The following SLC44A5 variants were observed in gnomAD, a reference collection of about 807,000 sequenced individuals.
SLC44A5 encodes the protein solute carrier family 44 member 5.
In SLC44A5, 57 loss-of-function variants were observed where a neutral mutation model predicts 101.8. The observed-to-expected ratio is 0.56, with a 90% CI of 0.45 to 0.70. SLC44A5 has a LOEUF of 0.70. SLC44A5 is among the 30% of genes least tolerant of loss of function. The pLI is 0.00. For missense variants in SLC44A5, 737 were observed against 853.1 expected (o/e 0.86, Z 1.70); for synonymous variants, 281 against 290.9 (o/e 0.97, Z 0.35).
chr1:75,639,609 C>T, the SLC44A5 span, among the ~76,000 whole-genome samples: 2 of 152,134 alleles, frequency 1.3e-5, no homozygotes, highest in African/African-American at 4.8e-5. Flanking sequence ...CCTTTGCTCA[C>T]TTCCCCAGTG....
At chr1:75,582,221 A>G in intron 1 of SLC44A5, 1 of 1,177,994 alleles carries the variant, frequency 8.5e-7, no homozygotes, top group Non-Finnish European at 1.2e-6. Context: ...CCTGAGGAAC[A>G]TGCGCTTTGC....
Position 75,215,796 on chromosome 1 carries a change from C to A in SLC44A5, c.1686G>T (p.Leu562Phe). 6.2e-7 allele frequency: 1 copy of A among 1,608,874 alleles called. No individual in the cohort carries two copies. Among genetic ancestry groups the A allele is most frequent in the Non-Finnish European group, 8.5e-7 (1 of 1,175,834 alleles). Residue 562 changes from leucine to phenylalanine, a missense_variant, in exon 19 of 24, where the codon TTG becomes TTT. Physicochemically the swap from Leu to Phe is conservative, Grantham distance 22 (BLOSUM62 0). Coordinates refer to ENST00000370859, the MANE Select transcript of SLC44A5 (RefSeq NM_001130058.2). ...QCCLRCCFWC[L>F]ENAIKFLNRN... ...TGTTTAAAAACTTTATTGCATTTTC[C>A]AAACACCAGAAGCAGCATCTCAGGC...
At chr1:75,480,889 A>G (rs1345996132) in intron 2 of SLC44A5, among the ~76,000 whole-genome samples, 1 of 152,242 alleles carries the variant, frequency 6.6e-6, no homozygotes, top group African/African-American at 2.4e-5. Context: ...TCTTCACAGA[A>G]TTGGAAAAAA....
At chr1:75,270,444 A>G (rs1651374246) in intron 6 of SLC44A5, among the ~76,000 whole-genome samples, 1 of 152,104 alleles carries the variant, frequency 6.6e-6, no homozygotes, top group Admixed American at 6.6e-5. Context: ...ATATTATTCA[A>G]CAAACGATTC....
chr1:75,620,692 G>A, the SLC44A5 span, among the ~76,000 whole-genome samples: 106 of 151,990 alleles, frequency 7.0e-4, no homozygotes, highest in East Asian at 0.016. Flanking sequence ...TTTTTTTCTT[G>A]TAGATTTATT....
chr1:75,575,311 A>G (rs1673298991), intron 1 of SLC44A5, among the ~76,000 whole-genome samples: 1 of 152,190 alleles, frequency 6.6e-6, no homozygotes, highest in Non-Finnish European at 1.5e-5. Context: ...TAGTTTAATC[A>G]TGGGGTAATA....
At position 75,251,279 on chromosome 1, in the gene SLC44A5, CA is replaced by C; in HGVS notation, c.275del (p.Leu92CysfsTer16). On this transcript the variant is annotated frameshift_variant, in exon 7 of 24. Coordinates refer to ENST00000370859, the MANE Select transcript of SLC44A5 (RefSeq NM_001130058.2). LOFTEE classifies it high-confidence loss of function. The part of the protein sequence containing the change: ...KGTPNENKTI[L>X]FYFNLLRCTS... ...TACAGCGTAACAGGTTAAAGTAAAA[CA>C]AAATGGTCTTGTTCCTGTTAAGAAA... The C allele has an allele frequency of 6.2e-7, 1 of 1,612,774 alleles. No individual in the cohort carries two copies.
chr1:75,569,572 C>G (rs1038634115), intron 1 of SLC44A5, among the ~76,000 whole-genome samples: 4 of 152,098 alleles, frequency 2.6e-5, no homozygotes, highest in Non-Finnish European at 5.9e-5. Context: ...TTAAAACATT[C>G]TATTGAATGA....
chr1:75,210,189 G>C (rs1646825841), intron 23 of SLC44A5, among the ~76,000 whole-genome samples: 1 of 151,806 alleles, frequency 6.6e-6, no homozygotes, highest in African/African-American at 2.4e-5. Context: ...TAGGACTACA[G>C]GTGTGTGCTA....
At chr1:75,400,906 A>G (rs1413955046) in intron 2 of SLC44A5, among the ~76,000 whole-genome samples, 1 of 152,156 alleles carries the variant, frequency 6.6e-6, no homozygotes, top group East Asian at 1.9e-4. Flanking sequence ...CTGCTTGCCA[A>G]ATTGGATTCT....
chr1:75,716,653 C>T, the SLC44A5 span, among the ~76,000 whole-genome samples: 3 of 152,134 alleles, frequency 2.0e-5, no homozygotes, highest in Non-Finnish European at 4.4e-5. Context: ...TAAAGACACA[C>T]GCATATGTAT....
chr1:75,374,213 T>C (rs1000151600), intron 3 of SLC44A5, among the ~76,000 whole-genome samples: 2 of 152,190 alleles, frequency 1.3e-5, no homozygotes, highest in African/African-American at 4.8e-5. Flanking sequence ...AATCATCCTC[T>C]GGGCTAAAAT....
chr1:75,462,924 A>G (rs927712675), intron 2 of SLC44A5, among the ~76,000 whole-genome samples: 1 of 152,164 alleles, frequency 6.6e-6, no homozygotes, highest in East Asian at 1.9e-4. Context: ...CAAATCTAAT[A>G]GTTATTGGCT....
intron 1 of SLC44A5, among the ~76,000 whole-genome samples, chr1:75,567,680 A>G (rs750264553): frequency 9.2e-5 from 14 of 152,200 alleles, no homozygotes; most frequent in Non-Finnish European, 1.8e-4. Context: ...TCACGGATGT[A>G]TGAAATAAAG....
At chr1:75,259,409 C>T (rs1029689819) in intron 6 of SLC44A5, among the ~76,000 whole-genome samples, 1 of 151,938 alleles carries the variant, frequency 6.6e-6, no homozygotes, top group Admixed American at 6.6e-5. Context: ...CAGAATCGAT[C>T]AAGTGGAAGA....
chr1:75,593,892 G>A (rs550508326), intron 1 of SLC44A5, among the ~76,000 whole-genome samples: 3 of 151,758 alleles, frequency 2.0e-5, no homozygotes, highest in Non-Finnish European at 3.0e-5. Context: ...AAAAATAGAG[G>A]GAAGTGGGGA....
At chr1:75,519,982 T>C (rs1412715) in intron 2 of SLC44A5, among the ~76,000 whole-genome samples, 20,786 of 152,234 alleles carry the variant, frequency 0.14, 1,558 homozygotes, top group African/African-American at 0.17. Flanking sequence ...GGGACTGAAA[T>C]GGCATAGTCA....
At chr1:75,492,768 T>C (rs1348213211) in intron 2 of SLC44A5, among the ~76,000 whole-genome samples, 1 of 152,196 alleles carries the variant, frequency 6.6e-6, no homozygotes, top group Non-Finnish European at 1.5e-5. Context: ...TTATTGCTTT[T>C]ATTTACTCAG....
In SLC44A5 at chr1:75,407,266, T is replaced by C. The variant is rs547531359; in HGVS notation, c.14-10645A>G. Among the ~76,000 whole-genome samples the C allele has an allele frequency of 1.3e-3, 205 of 152,196 alleles. 1 individual carries two copies. Among genetic ancestry groups the C allele is most frequent in the Non-Finnish European group, 2.0e-3 (134 of 68,012 alleles). On this transcript the variant is annotated intron_variant, in intron 2 of 23. Coordinates refer to ENST00000370859, the MANE Select transcript of SLC44A5 (RefSeq NM_001130058.2). ...TCATGGATAGGAAGAATCAATATCA[T>C]GAAAATGGCCATACTGCCCAAAGTA...
Sources: allele counts gnomAD v4.1 joint callset (sites outside exome capture counted in the v4.1 genomes callset), GRCh38; gene constraint gnomAD v4.1.1; transcripts MANE v1.5; gene names NCBI Gene and HGNC (gene_info 2026-07-23, HGNC 2026-07-21).